MSN: variants seen among roughly 807,000 people sequenced by gnomAD.
MSN encodes moesin.
A neutral mutation model predicts 48.0 loss-of-function variants in MSN; 2 were observed. That is an observed-to-expected ratio of 0.04 (90% CI 0.02 to 0.13). The LOEUF (loss-of-function observed/expected upper bound fraction) is 0.13, where lower values mean the gene tolerates loss of function less well. MSN is among the 10% of genes least tolerant of loss of function. MSN has a pLI of 1.00. For synonymous variants in MSN, 146 were observed against 166.9 expected, an observed-to-expected ratio of 0.87 and a Z score of 0.97; for missense variants, 267 against 470.1, an observed-to-expected ratio of 0.57 and a Z score of 3.99.
upstream of MSN, among the ~76,000 whole-genome samples, chrX:65,667,125 G>T (rs1272702397): frequency 8.9e-6 from 1 of 111,939 alleles, no homozygotes; most frequent in Non-Finnish European, 1.9e-5. Context: ...AAGAAGAGAA[G>T]TTTCCTGTGG....
chrX:65,604,780 T>G (rs961036252), intron 1 of MSN, among the ~76,000 whole-genome samples: 28 of 111,279 alleles, frequency 2.5e-4, no homozygotes, highest in African/African-American at 9.2e-4. Context: ...TTTTCAAAAT[T>G]TATCCTGAAC....
chrX:65,688,546 T>C (rs768945772), intron 1 of MSN, among the ~76,000 whole-genome samples: 1 of 111,845 alleles, frequency 8.9e-6, no homozygotes, highest in Non-Finnish European at 1.9e-5. Flanking sequence ...GAAGGCAGTG[T>C]TGTTTCATAA....
chrX:65,613,463 ATGGTTG>A (rs1409840308), intron 1 of MSN, among the ~76,000 whole-genome samples: 1 of 114,613 alleles, frequency 8.7e-6, no homozygotes, highest in Non-Finnish European at 1.9e-5. Context: ...GTCTTCCACA[ATGGTTG>A]AACTAATTTT....
At chrX:65,626,636 A>G (rs2070508884) in intron 1 of MSN, among the ~76,000 whole-genome samples, 1 of 111,278 alleles carries the variant, frequency 9.0e-6, no homozygotes, top group African/African-American at 3.3e-5. Context: ...ACAATAAACA[A>G]CAACAACAAC....
At chrX:65,666,751 G>A (rs1041197378), upstream of MSN, among the ~76,000 whole-genome samples, 7 of 111,319 alleles carry the variant, frequency 6.3e-5, no homozygotes, top group African/African-American at 1.6e-4. Context: ...ATGAGCCACC[G>A]CACTCAGCCT....
Position 65,694,075 on chromosome X carries a change from C to CA in MSN, c.13-22731dup, listed in dbSNP as rs746792238. 7.5e-3 allele frequency among the ~76,000 whole-genome samples: 653 copies of CA among 87,387 alleles called. 3 individuals are homozygous for CA. The highest frequency in any genetic ancestry group is 0.017 in the Middle Eastern group (3 of 179). 75.9% of individuals were successfully genotyped at this position (87,387 alleles called of 115,157 possible). A position where few individuals can be genotyped will look rare whatever the true frequency, so the allele number is the denominator to read the frequency against. The stretch of plus-strand genomic sequence containing the variant: ...CTCAAACAAACACACAAACAAAAAA[C>CA]AAAAAAAAAAAACAAAACGGAGGAT... On this transcript the variant is annotated intron_variant, in intron 1 of 12. Transcript: ENST00000360270.
chrX:65,613,462 A>ACCCCC (rs1175242415), intron 1 of MSN, among the ~76,000 whole-genome samples: 1 of 114,612 alleles, frequency 8.7e-6, no homozygotes, highest in Non-Finnish European at 1.9e-5. Flanking sequence ...TGTCTTCCAC[A>ACCCCC]ATGGTTGAAC....
At chrX:65,593,958 T>G (rs1251898379) in intron 1 of MSN, among the ~76,000 whole-genome samples, 1 of 112,392 alleles carries the variant, frequency 8.9e-6, no homozygotes, top group Non-Finnish European at 1.9e-5. Context: ...TTTTTGTTTG[T>G]GTTGGGACCA....
At chrX:65,650,052 CTTTTTTTTTTTTTTT>C (rs59222247) in intron 1 of MSN, among the ~76,000 whole-genome samples, 1 of 53,195 alleles carries the variant, frequency 1.9e-5, no homozygotes, top group African/African-American at 9.6e-5. Context: ...CCTTTTTTCT[CTTTTTTTTTTTTTTT>C]TTTTTTTTTT....
chrX:65,733,396 G>A (rs912057392), intron 7 of MSN, 116 bp downstream of exon 7: 75 of 557,074 alleles, frequency 1.3e-4, no homozygotes, highest in Admixed American at 4.0e-4. Flanking sequence ...ACGTGTGTGC[G>A]CGCATGTGCA....
chrX:65,605,301 GC>G (rs1035014824), intron 1 of MSN, among the ~76,000 whole-genome samples: 2 of 112,252 alleles, frequency 1.8e-5, no homozygotes, highest in Non-Finnish European at 3.8e-5. Context: ...CTAAGCGTTA[GC>G]TTTGCCTCCT....
chrX:65,683,393 GCCACCACCACCACCACCACCACCACCA>G (rs535010759), intron 1 of MSN, among the ~76,000 whole-genome samples: 1 of 91,280 alleles, frequency 1.1e-5, no homozygotes, highest in Non-Finnish European at 2.1e-5. Flanking sequence ...TGCCGCCGCC[GCCACCACCACCACCACCACCACCACCA>G]CCACCACCAC....
intron 1 of MSN, among the ~76,000 whole-genome samples, chrX:65,646,979 C>T (rs2070699021): frequency 9.0e-6 from 1 of 110,781 alleles, no homozygotes; most frequent in South Asian, 3.8e-4. Flanking sequence ...AAAAAACAAA[C>T]CCTAGTATGA....
intron 2 of MSN, among the ~76,000 whole-genome samples, chrX:65,722,836 T>C (rs775500344): frequency 3.3e-4 from 36 of 110,605 alleles, no homozygotes; most frequent in Admixed American, 6.7e-4. Context: ...CATCACTAGT[T>C]TGTTTACTCA....
intron 1 of MSN, among the ~76,000 whole-genome samples, chrX:65,642,803 G>T (rs1368636038): frequency 1.4e-4 from 16 of 110,787 alleles, no homozygotes; most frequent in African/African-American, 5.3e-4. Context: ...TTTTTGAGAG[G>T]CTCAGACTTG....
intron 1 of MSN, among the ~76,000 whole-genome samples, chrX:65,678,452 G>A (rs962735665): frequency 3.0e-4 from 33 of 111,564 alleles, no homozygotes; most frequent in African/African-American, 9.8e-4. Flanking sequence ...GAGTGGTCTC[G>A]ATTGGCCTAA....
chrX:65,701,489 G>T (rs1192342882), intron 1 of MSN, among the ~76,000 whole-genome samples: 2 of 112,111 alleles, frequency 1.8e-5, no homozygotes, highest in African/African-American at 6.5e-5. Context: ...TCAAGGCCAT[G>T]TGTTGTTTCT....
chrX:65,599,282 C>A lies in MSN; in HGVS notation c.-22+10670C>A, dbSNP rs781381722. Reference sequence around the variant, plus strand: ...TGCATTACAGCCTAGGAAACAAGAGCAAAACTCCGTCTCAAAAAAAAAAAT... The same window carrying A: ...TGCATTACAGCCTAGGAAACAAGAGAAAAACTCCGTCTCAAAAAAAAAAAT... On this transcript the variant is annotated intron_variant, in intron 1 of 3. Transcript: ENST00000609672. 8.2e-4 allele frequency among the ~76,000 whole-genome samples: 89 copies of A among 108,270 alleles called. 1 individual carries two copies. The highest frequency in any genetic ancestry group is 1.5e-3 in the Non-Finnish European group (80 of 52,291). The allele number at this position is 108,270 out of a possible 115,157, so 94.0% of individuals were successfully genotyped here.
At chrX:65,712,850 T>C (rs1197590328) in intron 1 of MSN, among the ~76,000 whole-genome samples, 1 of 111,828 alleles carries the variant, frequency 8.9e-6, no homozygotes, top group Non-Finnish European at 1.9e-5. Flanking sequence ...CAATCTTTTT[T>C]TTCTTTTAAT....
Sources: allele counts gnomAD v4.1 joint callset (sites outside exome capture counted in the v4.1 genomes callset), GRCh38; gene constraint gnomAD v4.1.1; transcripts MANE v1.5; gene names NCBI Gene and HGNC (gene_info 2026-07-23, HGNC 2026-07-21).